Variants in CNGB1 observed in about 807,000 individuals in gnomAD.
CNGB1 encodes cyclic nucleotide-gated channel beta-1.
In CNGB1, 126 loss-of-function variants were observed where a neutral mutation model predicts 151.7. That is an observed-to-expected ratio of 0.83 (90% confidence interval 0.72 to 0.96). CNGB1 has a LOEUF of 0.96. CNGB1 is among the 40% of genes least tolerant of loss of function. CNGB1 has a pLI of 0.00. For missense variants in CNGB1, 1,698 were observed against 1,627.0 expected (o/e 1.04, Z -0.75); for synonymous variants, 623 against 635.1 (o/e 0.98, Z 0.29).
At chr16:57,916,203 G>T (rs761148794) in intron 21 of CNGB1, 24 bp from the exon 22 acceptor site, 23 of 1,608,138 alleles carry the variant, frequency 1.4e-5, no homozygotes, top group Non-Finnish European at 6.0e-6. Context: ...AATGATGATG[G>T]TGAAATGACC....
Position 57,915,382 on chromosome 16 carries a change from G to A in CNGB1, c.2218-47C>T, listed in dbSNP as rs765321943. On this transcript the variant is annotated intron_variant, in intron 22 of 32. Coordinates refer to ENST00000251102, the MANE Select transcript of CNGB1 (RefSeq NM_001297.5). ...ATGGGGGTAAAACGGATGACTCCAG[G>A]GTGGAAGGTGAGGGGAGTGAGAGGC... The A allele has an allele frequency of 8.2e-6, 12 of 1,456,168 alleles. No individual in the cohort carries two copies. In the South Asian group the frequency reaches 1.3e-4, roughly 15 times the overall value. 90.2% of individuals were successfully genotyped at this position (1,456,168 alleles called of 1,614,324 possible).
chr16:57,923,439 T>C, intron 17 of CNGB1, 59 bp from the exon 18 acceptor site: 1 of 1,379,392 alleles, frequency 7.2e-7, no homozygotes, highest in Non-Finnish European at 1.0e-6. Flanking sequence ...CAGGGAGAAG[T>C]GTCATGACTT....
intron 31 of CNGB1, among the ~76,000 whole-genome samples, chr16:57,890,390 T>C (rs147214590): frequency 3.9e-5 from 6 of 152,340 alleles, no homozygotes; most frequent in African/African-American, 9.6e-5. Flanking sequence ...TTTGAGTCCA[T>C]AATTCATGAT....
intron 24 of CNGB1, 150 bp from the exon 25 acceptor site, chr16:57,912,025 G>T: frequency 9.8e-7 from 1 of 1,022,306 alleles, no homozygotes; most frequent in Non-Finnish European, 1.4e-6. Context: ...TGCTTGAATG[G>T]GGCGTTGTCA....
At position 57,887,993 on chromosome 16, in the gene CNGB1, G is replaced by A. The variant is rs1257600100; in HGVS notation, c.3324C>T (p.Leu1108=). ...ILPPRAGTPK[L]FNAALAMTGK... is the part of the protein sequence containing the mutation. ...CTGTCATAGCGAGGGCAGCGTTGAAGAGCTTTGGGGTGCCCGCCCGGGGTG... is the reference window on the plus strand; with the variant it reads ...CTGTCATAGCGAGGGCAGCGTTGAAAAGCTTTGGGGTGCCCGCCCGGGGTG... Residue 1108 remains leucine (L), a synonymous_variant, in exon 32 of 33, where the codon CTC becomes CTT. Transcript: ENST00000251102. 3 of 1,614,240 alleles carry A rather than the reference G, an allele frequency of 1.9e-6. No homozygotes were observed. The highest frequency in any genetic ancestry group is 2.5e-6 in the Non-Finnish European group (3 of 1,180,052).
chr16:57,923,903 G>C (rs1372727171), intron 17 of CNGB1, among the ~76,000 whole-genome samples: 1 of 152,128 alleles, frequency 6.6e-6, no homozygotes, highest in Non-Finnish European at 1.5e-5. Flanking sequence ...GTGACCTTAG[G>C]TAAGTCCCAT....
intron 4 of CNGB1, 46 bp from the exon 5 acceptor site, chr16:57,963,110 C>A: frequency 7.0e-7 from 1 of 1,423,724 alleles, no homozygotes. Context: ...TCCCCTAGCT[C>A]AATGAGGCCC....
chr16:57,954,735 T>C (rs1962040460), intron 12 of CNGB1: 2 of 969,210 alleles, frequency 2.1e-6, no homozygotes, highest in Non-Finnish European at 1.2e-6. Context: ...TGCTCATTGG[T>C]GTCCCCAAGC....
In CNGB1 at chr16:57,901,636, G is replaced by T. The variant is rs1404670820; in HGVS notation, c.2795-11C>A. On this transcript the variant is annotated splice_polypyrimidine_tract_variant and intron_variant, in intron 27 of 32. Transcript: ENST00000251102. The stretch of plus-strand genomic sequence containing the variant: ...TCAGCTCTGACTCATCTGTGAACAA[G>T]GCCTGGCAAGGGTCAGAGGCAAGGC... The T allele has an allele frequency of 6.2e-7, 1 of 1,612,206 alleles. No individual in the cohort carries two copies. The highest frequency in any genetic ancestry group is 2.2e-5 in the East Asian group (1 of 44,878).
intron 19 of CNGB1, 146 bp from the exon 20 acceptor site, chr16:57,919,400 GA>G: frequency 6.8e-7 from 1 of 1,478,300 alleles, no homozygotes; most frequent in Non-Finnish European, 9.1e-7. Flanking sequence ...TCTGTGTGCA[GA>G]ACCCAAGGTG....
At chr16:57,937,892 G>A (rs1961555161) in intron 16 of CNGB1, among the ~76,000 whole-genome samples, 1 of 152,202 alleles carries the variant, frequency 6.6e-6, no homozygotes. Flanking sequence ...ATGAGGCCTG[G>A]CAGCAGGAAT....
rs199906467 is a variant in CNGB1, at chr16:57,901,502, G to A, written c.2892+26C>T. 2.5e-4 allele frequency: 405 copies of A among 1,612,038 alleles called. No individual in the cohort carries two copies. The African/African-American group carries it at 3.8e-3, about 15-fold the overall frequency. On this transcript the variant is annotated intron_variant, in intron 28 of 32. Transcript: ENST00000251102. ...TGGGCTTGGAGCCTCCCACAGCCCTGAGCGTGAGGGCACCAAAAGGTGTAC... is the reference window on the plus strand; with the variant it reads ...TGGGCTTGGAGCCTCCCACAGCCCTAAGCGTGAGGGCACCAAAAGGTGTAC...
Position 57,903,407 on chromosome 16 carries a change from G to A in CNGB1, c.2794+415C>T, listed in dbSNP as rs896590982. On this transcript the variant is annotated intron_variant, in intron 27 of 32. Coordinates refer to ENST00000251102, the MANE Select transcript of CNGB1 (RefSeq NM_001297.5). ...TTTGGGAGGCTGAGGTAGGAGAATC[G>A]CTTGAACCCGGGAGATGGAGGTTGC... Among the ~76,000 whole-genome samples the A allele has an allele frequency of 5.9e-5, 9 of 152,110 alleles. No individual in the cohort carries two copies. The East Asian group carries it at 9.7e-4, about 16-fold the overall frequency.
rs1132032 is a variant in CNGB1 at position 57,884,297 on chromosome 16, G to A, written c.3623C>T (p.Pro1208Leu). ...GGCCGGCCCCTCCTCCTCTCCCTCCGGCCTCCCAAGGGAGGCAGGCGGTGG... is the reference window on the plus strand; with the variant it reads ...GGCCGGCCCCTCCTCCTCTCCCTCCAGCCTCCCAAGGGAGGCAGGCGGTGG... ...SSPPPASLGR[P>L]EGEEEGPAEP... The change falls in exon 33 of 33, where the codon CCG (proline) becomes CTG (leucine). Residue 1208 changes from proline (P) to leucine (L), a missense_variant. Coordinates refer to ENST00000251102, the MANE Select transcript of CNGB1 (RefSeq NM_001297.5). 7 of 1,612,728 alleles carry A rather than the reference G, an allele frequency of 4.3e-6. No homozygotes were observed. Among genetic ancestry groups the A allele is most frequent in the African/African-American group, 2.7e-5 (2 of 74,792 alleles).
intron 29 of CNGB1, 58 bp downstream of exon 29, chr16:57,901,294 T>G: frequency 2.0e-5 from 31 of 1,567,026 alleles, no homozygotes; most frequent in Non-Finnish European, 2.6e-5. Flanking sequence ...GCTCAGTTCC[T>G]TGAAAGCCAG....
chr16:57,930,056 T>C (rs991303741), intron 17 of CNGB1, among the ~76,000 whole-genome samples: 10 of 152,234 alleles, frequency 6.6e-5, no homozygotes, highest in Admixed American at 4.6e-4. Context: ...AGGACTGCCA[T>C]ATGATCCAGC....
At chr16:57,940,149 C>T (rs1191256256) in intron 15 of CNGB1, 85 bp downstream of exon 15, 2 of 1,347,940 alleles carry the variant, frequency 1.5e-6, no homozygotes, top group South Asian at 1.3e-5. Flanking sequence ...AAAACTCCCC[C>T]TGTAAGCAAA....
At chr16:57,891,724 T>C (rs1960096687) in intron 31 of CNGB1, among the ~76,000 whole-genome samples, 1 of 151,992 alleles carries the variant, frequency 6.6e-6, no homozygotes, top group Admixed American at 6.6e-5. Context: ...GCCTGGCTAA[T>C]TTTTGTATTT....
In CNGB1 at chr16:57,917,346, G is replaced by C. The variant is rs1210263161; in HGVS notation, c.2088C>G (p.Tyr696Ter). Residue 696 changes from tyrosine (Y) to a stop codon, truncating the protein, a stop_gained, in exon 21 of 33, where the codon TAC becomes TAG. Coordinates refer to ENST00000251102, the MANE Select transcript of CNGB1 (RefSeq NM_001297.5). LOFTEE classifies it high-confidence loss of function. ...CCAGGAAGTAGATGAGGTCGCATAGGTAATCCATCAGCAGCCAGTGGTGGA... is the reference window on the plus strand; with the variant it reads ...CCAGGAAGTAGATGAGGTCGCATAGCTAATCCATCAGCAGCCAGTGGTGGA... ...DNIHHWLLMD[Y>*]LCDLIYFLDI... is the part of the protein sequence containing the mutation. The C allele has an allele frequency of 6.2e-6, 10 of 1,614,122 alleles. No individual in the cohort carries two copies. The highest frequency in any genetic ancestry group is 5.9e-6 in the Non-Finnish European group (7 of 1,180,036).
Sources: gnomAD v4.1 joint callset for allele counts (sites outside exome capture counted in the v4.1 genomes callset) on GRCh38, gnomAD v4.1.1 for gene constraint, MANE v1.5 for transcripts, NCBI Gene and HGNC (gene_info 2026-07-23, HGNC 2026-07-21) for gene names.